CNTLN: variants seen among roughly 807,000 people sequenced by gnomAD.
CNTLN encodes the protein centlein, also known as centlein, centrosomal protein.
In CNTLN, 212 loss-of-function variants were observed where a neutral mutation model predicts 180.0. The observed-to-expected ratio is 1.18, with a 90% confidence interval of 1.05 to 1.32. CNTLN has a LOEUF of 1.32. CNTLN is among the 40% of genes most tolerant of loss of function. The pLI, the probability that CNTLN is intolerant of heterozygous loss-of-function variation, is 0.00. For missense variants in CNTLN, 2,095 were observed against 1,610.9 expected (o/e 1.30, Z -5.14); for synonymous variants, 722 against 563.1 (o/e 1.28, Z -3.99).
intron 18 of CNTLN, among the ~76,000 whole-genome samples, chr9:17,423,610 C>G (rs1466472914): frequency 6.6e-6 from 1 of 152,018 alleles, no homozygotes; most frequent in Admixed American, 6.6e-5. Context: ...AGCACAGCAC[C>G]CAGACTTGCC....
intron 6 of CNTLN, among the ~76,000 whole-genome samples, chr9:17,285,156 C>T (rs908575762): frequency 2.0e-5 from 2 of 98,844 alleles, no homozygotes; most frequent in African/African-American, 7.6e-5. Context: ...CCTCCCCCCT[C>T]CCCCCACCCC....
intron 13 of CNTLN, among the ~76,000 whole-genome samples, chr9:17,384,903 T>A (rs112724967): frequency 1.1e-4 from 16 of 152,272 alleles, no homozygotes; most frequent in African/African-American, 3.8e-4. Flanking sequence ...TTCTAGCTAC[T>A]TAGAATTAGT....
At chr9:17,423,497 C>A (rs1828871488) in intron 18 of CNTLN, among the ~76,000 whole-genome samples, 1 of 152,052 alleles carries the variant, frequency 6.6e-6, no homozygotes, top group Non-Finnish European at 1.5e-5. Context: ...CACTGAGCTT[C>A]CCTGCCTGGA....
chr9:17,507,268 T>C (rs1412088733), downstream of CNTLN, among the ~76,000 whole-genome samples: 1 of 152,186 alleles, frequency 6.6e-6, no homozygotes, highest in East Asian at 1.9e-4. Flanking sequence ...TGTATTAATT[T>C]GCTTAGGTCA....
intron 15 of CNTLN, among the ~76,000 whole-genome samples, chr9:17,403,186 C>A (rs1289214595): frequency 6.6e-6 from 1 of 151,652 alleles, no homozygotes; most frequent in African/African-American, 2.4e-5. Flanking sequence ...ACACACAAAG[C>A]CCATTCTGTG....
intron 23 of CNTLN, among the ~76,000 whole-genome samples, chr9:17,476,631 A>T (rs1715230488): frequency 6.6e-6 from 1 of 152,246 alleles, no homozygotes. Context: ...ATAAAAGATT[A>T]AACCAGTCAC....
rs146777396 is a variant in CNTLN, at chr9:17,144,801, G to C, written c.449+1425G>C. Among the ~76,000 whole-genome samples the C allele has an allele frequency of 1.5e-3, 233 of 150,976 alleles. 1 individual carries two copies. Among genetic ancestry groups the C allele is most frequent in the Non-Finnish European group, 1.8e-3 (125 of 67,762 alleles). ...ATTTAGTGTGCACAAGTTATACTTGGAGAATTTATTTATTTATTTTATTTT... is the reference window on the plus strand; with the variant it reads ...ATTTAGTGTGCACAAGTTATACTTGCAGAATTTATTTATTTATTTTATTTT... On this transcript the variant is annotated intron_variant, in intron 2 of 25. Coordinates refer to ENST00000380647, the MANE Select transcript of CNTLN (RefSeq NM_017738.4).
At chr9:17,202,557 C>T (rs1822604652) in intron 2 of CNTLN, among the ~76,000 whole-genome samples, 1 of 151,710 alleles carries the variant, frequency 6.6e-6, no homozygotes, top group Non-Finnish European at 1.5e-5. Context: ...TGCATTGATC[C>T]CTTTGCCATT....
At chr9:17,456,633 A>C (rs564938017) in intron 18 of CNTLN, among the ~76,000 whole-genome samples, 1 of 152,288 alleles carries the variant, frequency 6.6e-6, no homozygotes, top group South Asian at 2.1e-4. Context: ...AATTTCAACA[A>C]AGAAAGATTT....
intron 7 of CNTLN, among the ~76,000 whole-genome samples, chr9:17,305,524 T>G (rs1375079946): frequency 2.6e-5 from 4 of 151,618 alleles, no homozygotes; most frequent in East Asian, 1.9e-4. Flanking sequence ...GAGCACTGTT[T>G]TTTTTTTTTT....
At chr9:17,526,959 C>T in the CNTLN span, among the ~76,000 whole-genome samples, 1 of 152,044 alleles carries the variant, frequency 6.6e-6, no homozygotes. Flanking sequence ...CTCACTGCAA[C>T]TTCCGCCTCC....
intron 13 of CNTLN, among the ~76,000 whole-genome samples, chr9:17,372,738 T>G (rs1474588649): frequency 6.6e-6 from 1 of 152,154 alleles, no homozygotes; most frequent in Non-Finnish European, 1.5e-5. Flanking sequence ...TGCAAGATAC[T>G]AGCAAGCTGA....
intron 5 of CNTLN, among the ~76,000 whole-genome samples, chr9:17,256,340 T>C (rs1826486385): frequency 6.6e-6 from 1 of 152,030 alleles, no homozygotes; most frequent in Non-Finnish European, 1.5e-5. Context: ...ATCTCCAAAC[T>C]GCTTTCCACA....
chr9:17,171,775 C>T (rs982320074), intron 2 of CNTLN, among the ~76,000 whole-genome samples: 1 of 151,926 alleles, frequency 6.6e-6, no homozygotes. Context: ...TATGGGTGCT[C>T]GTGGAATAGC....
At chr9:17,383,027 A>G (rs1049926719) in intron 13 of CNTLN, among the ~76,000 whole-genome samples, 2 of 152,048 alleles carry the variant, frequency 1.3e-5, no homozygotes, top group Admixed American at 6.6e-5. Context: ...AGACCTCCTC[A>G]TCTTTAACAA....
chr9:17,395,625 T>C (rs1221030553), intron 15 of CNTLN, among the ~76,000 whole-genome samples: 3 of 152,200 alleles, frequency 2.0e-5, no homozygotes, highest in Admixed American at 6.5e-5. Flanking sequence ...GCAAAGTCAT[T>C]GTATTAACTT....
chr9:17,448,098 G>C (rs769437285), intron 18 of CNTLN: 5 of 183,350 alleles, frequency 2.7e-5, no homozygotes, highest in Non-Finnish European at 6.0e-5. Context: ...CAGGGAGTTT[G>C]AGGCCAAGTA....
chr9:17,305,038 A>G (rs1340093787), intron 7 of CNTLN, among the ~76,000 whole-genome samples: 2 of 152,146 alleles, frequency 1.3e-5, no homozygotes, highest in African/African-American at 2.4e-5. Flanking sequence ...GAGCATATAC[A>G]TTTTCAAAAT....
At chr9:17,300,436 T>G (rs1250389518) in intron 7 of CNTLN, 1 of 152,166 alleles carries the variant, frequency 6.6e-6, no homozygotes, top group African/African-American at 2.4e-5. Context: ...AATGGGCATC[T>G]CATACTGAAC....
Sources: allele counts gnomAD v4.1 joint callset (sites outside exome capture counted in the v4.1 genomes callset), GRCh38; gene constraint gnomAD v4.1.1; transcripts MANE v1.5; gene names NCBI Gene and HGNC (gene_info 2026-07-23, HGNC 2026-07-21).